RNF169: variants seen among roughly 807,000 people sequenced by gnomAD.
RNF169 encodes E3 ubiquitin-protein ligase RNF169.
Under a neutral mutation model 53.9 loss-of-function variants are expected in RNF169, and 24 were observed. The ratio of observed to expected loss-of-function variants is 0.45; its 90% confidence interval spans 0.32 to 0.63. The LOEUF (loss-of-function observed/expected upper bound fraction) is 0.63. RNF169 is among the 20% of genes least tolerant of loss of function. The probability of loss-of-function intolerance (pLI) is 0.04; values close to 1 mark genes in which losing one functional copy is unlikely to be tolerated. For missense variants in RNF169, 883 were observed against 906.2 expected (o/e 0.97, Z 0.33); for synonymous variants, 396 against 363.5 (o/e 1.09, Z -1.02).
At chr11:74,828,670 G>T (rs2036133302) in intron 4 of RNF169, among the ~76,000 whole-genome samples, 1 of 152,140 alleles carries the variant, frequency 6.6e-6, no homozygotes, top group Non-Finnish European at 1.5e-5. Flanking sequence ...ACAGAATAGA[G>T]AATCCAGAAA....
chr11:74,789,626 A>G lies in RNF169; in HGVS notation c.503A>G (p.Asp168Gly). 1 of 1,602,712 alleles carries G rather than the reference A, an allele frequency of 6.2e-7. No individual in the cohort carries two copies. The highest frequency in any genetic ancestry group is 8.5e-7 in the Non-Finnish European group (1 of 1,172,392). The change falls in exon 2 of 6, where the codon GAC becomes GGC. Residue 168 changes from aspartate to glycine, a missense_variant and splice_region_variant. By Grantham distance (94) the Asp-to-Gly change is moderately conservative. This residue lies in a region of RNF169 where 313 missense variants were observed against 279.9 expected (regional missense o/e 1.12). Transcript: ENST00000299563. ...GTATTTTCTTTTCCCTTTCTTTCAG[A>G]CTTTATATTCAGAGCACCAATCAAA... ...QEPRAAPAEP[D>G]FIFRAPIKLS...
chr11:74,823,818 A>C lies in RNF169; in HGVS notation c.842+6104A>C, dbSNP rs145753531. 7.2e-5 allele frequency among the ~76,000 whole-genome samples: 11 copies of C among 152,130 alleles called. No homozygotes were observed. In the East Asian group the frequency reaches 1.9e-3, roughly 27 times the overall value. On this transcript the variant is annotated intron_variant, in intron 4 of 5. Transcript: ENST00000299563. ...AACTCTGTCAGATCACTAACTGACC[A>C]CTAAGCTAACAGAACAGAGAATTCA...
At chr11:74,798,129 A>T (rs1484870514) in intron 2 of RNF169, among the ~76,000 whole-genome samples, 2 of 152,222 alleles carry the variant, frequency 1.3e-5, no homozygotes, top group Non-Finnish European at 2.9e-5. Context: ...GTGTTTAAAC[A>T]ATATGAAATC....
At chr11:74,754,101 T>C (rs1426110754) in intron 1 of RNF169, among the ~76,000 whole-genome samples, 1 of 152,198 alleles carries the variant, frequency 6.6e-6, no homozygotes, top group Non-Finnish European at 1.5e-5. Context: ...TCAGGAATTA[T>C]GTAATATGTG....
At chr11:74,777,356 A>G (rs2035350708) in intron 1 of RNF169, among the ~76,000 whole-genome samples, 1 of 152,178 alleles carries the variant, frequency 6.6e-6, no homozygotes, top group African/African-American at 2.4e-5. Context: ...AGGATTTTGT[A>G]TCATGGTGGT....
At chr11:74,807,484 C>T (rs1312161342) in intron 2 of RNF169, among the ~76,000 whole-genome samples, 1 of 152,124 alleles carries the variant, frequency 6.6e-6, no homozygotes, top group Non-Finnish European at 1.5e-5. Flanking sequence ...CCCTGGTCCT[C>T]ACAACAAAGA....
At chr11:74,834,294 T>A (rs947059746) in intron 4 of RNF169, among the ~76,000 whole-genome samples, 2 of 152,210 alleles carry the variant, frequency 1.3e-5, no homozygotes, top group Admixed American at 1.3e-4. Context: ...TGATGTAGAT[T>A]GAAGAGAGGT....
At chr11:74,756,875 T>G (rs1222234368) in intron 1 of RNF169, among the ~76,000 whole-genome samples, 2 of 152,050 alleles carry the variant, frequency 1.3e-5, no homozygotes, top group Non-Finnish European at 1.5e-5. Context: ...TTTAGAGAGA[T>G]CACTCCCATG....
rs144106937 is a variant in RNF169, at chr11:74,804,015, A to T, written c.577-6169A>T. Among the ~76,000 whole-genome samples, 334 of 152,298 alleles carry T rather than the reference A, an allele frequency of 2.2e-3. 2 individuals carry two copies. Among genetic ancestry groups the T allele is most frequent in the African/African-American group, 7.6e-3 (317 of 41,554 alleles). On this transcript the variant is annotated intron_variant, in intron 2 of 5. Coordinates refer to ENST00000299563, the MANE Select transcript of RNF169 (RefSeq NM_001098638.2). ...TTATTTTGTTCAACATCATTTCATT[A>T]TGACATTGATGAGAGAAAAAAAATC...
intron 4 of RNF169, among the ~76,000 whole-genome samples, chr11:74,829,372 G>A (rs547183657): frequency 4.7e-4 from 72 of 152,288 alleles, no homozygotes; most frequent in African/African-American, 1.7e-3. Flanking sequence ...GGAGAAAAAG[G>A]AACACTTCTA....
In RNF169 at chr11:74,836,653, A is replaced by C; in HGVS notation, c.2050A>C (p.Arg684=). The C allele has an allele frequency of 6.2e-7, 1 of 1,613,966 alleles. No individual in the cohort carries two copies. The highest frequency in any genetic ancestry group is 8.5e-7 in the Non-Finnish European group (1 of 1,180,040). ...GTTGCAGCGCATGTTCGACAATGAG[A>C]GGCGGACTGTGAGCCGGCGAAAAGG... ...LQLQRMFDNE[R]RTVSRRKGSV... The change falls in exon 6 of 6, where the codon AGG becomes CGG. Residue 684 remains arginine, a synonymous_variant. Transcript: ENST00000299563.
intron 2 of RNF169, among the ~76,000 whole-genome samples, chr11:74,806,509 T>C (rs2035807447): frequency 6.6e-6 from 1 of 152,206 alleles, no homozygotes; most frequent in Admixed American, 6.5e-5. Context: ...CGTAATATTT[T>C]TGGCACTCAA....
At chr11:74,766,928 C>T (rs958173572) in intron 1 of RNF169, among the ~76,000 whole-genome samples, 4 of 152,296 alleles carry the variant, frequency 2.6e-5, no homozygotes, top group African/African-American at 2.4e-5. Flanking sequence ...AACAAAATCA[C>T]ACAAGAACTG....
intron 1 of RNF169, among the ~76,000 whole-genome samples, chr11:74,768,941 G>T (rs1234268509): frequency 6.6e-6 from 1 of 152,142 alleles, no homozygotes; most frequent in African/African-American, 2.4e-5. Flanking sequence ...CAGCTATTCA[G>T]GAGGCTGAGG....
intron 1 of RNF169, among the ~76,000 whole-genome samples, chr11:74,771,455 G>A (rs908059339): frequency 6.6e-6 from 1 of 152,130 alleles, no homozygotes; most frequent in Non-Finnish European, 1.5e-5. Flanking sequence ...TGTAATCCCA[G>A]CTACTCTGGA....
intron 1 of RNF169, among the ~76,000 whole-genome samples, chr11:74,779,135 A>C (rs1299714133): frequency 6.6e-6 from 1 of 152,182 alleles, no homozygotes; most frequent in Non-Finnish European, 1.5e-5. Flanking sequence ...TGCAATGAAA[A>C]TATTTTTATG....
intron 1 of RNF169, among the ~76,000 whole-genome samples, chr11:74,762,482 G>T (rs867626744): frequency 6.6e-6 from 1 of 152,030 alleles, no homozygotes; most frequent in Non-Finnish European, 1.5e-5. Context: ...ATGGGTTTTC[G>T]GTGTGGATGT....
chr11:74,798,878 C>T (rs975022524), intron 2 of RNF169, among the ~76,000 whole-genome samples: 7 of 151,908 alleles, frequency 4.6e-5, no homozygotes, highest in East Asian at 3.9e-4. Flanking sequence ...AGTGAGACCT[C>T]GTCACTACAA....
At chr11:74,814,819 C>T (rs2135123714) in intron 3 of RNF169, among the ~76,000 whole-genome samples, 2 of 152,144 alleles carry the variant, frequency 1.3e-5, no homozygotes, top group Middle Eastern at 3.4e-3. Context: ...GTGATGGAAT[C>T]CATTTGTCTC....
Sources: allele counts gnomAD v4.1 joint callset (sites outside exome capture counted in the v4.1 genomes callset), GRCh38; gene constraint gnomAD v4.1.1; regional missense constraint gnomAD v4.1.1; transcripts MANE v1.5; gene names NCBI Gene and HGNC (gene_info 2026-07-23, HGNC 2026-07-21).